The following ZNF354A variants were observed in gnomAD, a reference collection of about 807,000 sequenced individuals.
ZNF354A encodes the protein epididymis luminal protein 104.
ZNF354A carries 25 observed loss-of-function variants against 53.3 expected under a neutral mutation model. That is an observed-to-expected ratio of 0.47 (90% CI 0.34 to 0.66). The LOEUF is 0.66. Ranked by LOEUF, ZNF354A falls within the 30% of genes least tolerant of loss-of-function variation. The probability of loss-of-function intolerance (pLI) is 0.01; values close to 1 mark genes in which losing one functional copy is unlikely to be tolerated. For missense variants in ZNF354A, 586 were observed against 716.8 expected (o/e 0.82, Z 2.08); for synonymous variants, 228 against 249.0 (o/e 0.92, Z 0.79).
chr5:178,715,505 C>T (rs1344205500), intron 4 of ZNF354A, among the ~76,000 whole-genome samples: 1 of 152,154 alleles, frequency 6.6e-6, no homozygotes, highest in East Asian at 1.9e-4. Context: ...TGCTTAACAC[C>T]TTCCTAGTTC....
At chr5:178,716,046 GCCA>G (rs1202137070) in intron 4 of ZNF354A, among the ~76,000 whole-genome samples, 1 of 151,730 alleles carries the variant, frequency 6.6e-6, no homozygotes, top group Non-Finnish European at 1.5e-5. Context: ...ACAGGTGTGC[GCCA>G]CCACACCTGG....
intron 4 of ZNF354A, among the ~76,000 whole-genome samples, chr5:178,724,165 A>G (rs1196630529): frequency 6.6e-6 from 1 of 150,986 alleles, no homozygotes; most frequent in Non-Finnish European, 1.5e-5. Context: ...AAGTGCCTTC[A>G]TCCAGGCCCT....
intron 4 of ZNF354A, among the ~76,000 whole-genome samples, chr5:178,722,068 G>A (rs967635554): frequency 2.0e-5 from 3 of 152,056 alleles, no homozygotes; most frequent in African/African-American, 4.8e-5. Context: ...AATGTCACCT[G>A]CCTCTCCTGA....
chr5:178,717,697 T>C (rs940021947), intron 4 of ZNF354A, among the ~76,000 whole-genome samples: 4 of 152,014 alleles, frequency 2.6e-5, no homozygotes, highest in Admixed American at 6.6e-5. Context: ...GTCAGCAGCA[T>C]GTGGGTTTGA....
Position 178,712,997 on chromosome 5 carries a change from A to G in ZNF354A, c.881T>C (p.Val294Ala), listed in dbSNP as rs761979405. 42 of 1,613,980 alleles carry G rather than the reference A, an allele frequency of 2.6e-5. No individual in the cohort carries two copies. The highest frequency in any genetic ancestry group is 3.5e-5 in the Non-Finnish European group (41 of 1,179,998). ...SLYKHLRTHTVEKSYRCKECG... is the reference protein window; with the variant it reads ...SLYKHLRTHTAEKSYRCKECG... ...TTCTTTACATCTGTAGGATTTCTCC[A>G]CAGTATGGGTTCTTAGATGTTTATA... The change falls in exon 5 of 5, where the codon GTG (valine) becomes GCG (alanine). Residue 294 changes from valine (V) to alanine (A), a missense_variant. Coordinates refer to ENST00000335815, the MANE Select transcript of ZNF354A (RefSeq NM_005649.3).
intron 2 of ZNF354A, among the ~76,000 whole-genome samples, chr5:178,728,085 G>T (rs1439918253): frequency 1.3e-5 from 2 of 152,116 alleles, no homozygotes; most frequent in East Asian, 3.9e-4. Context: ...CAGGCGATCT[G>T]CCGGCCTCGA....
At position 178,713,010 on chromosome 5, in the gene ZNF354A, T is replaced by C; in HGVS notation, c.868A>G (p.Arg290Gly). Residue 290 changes from arginine (R) to glycine (G), a missense_variant, in exon 5 of 5, where the codon AGA becomes GGA. Around this residue, in one of 2 missense-constraint regions of ZNF354A, gnomAD observed 573 missense variants for 680.1 expected, o/e 0.84. Transcript: ENST00000335815. ...TAGGATTTCTCCACAGTATGGGTTCTTAGATGTTTATAAAGGGATGTACTG... is the reference window on the plus strand; with the variant it reads ...TAGGATTTCTCCACAGTATGGGTTCCTAGATGTTTATAAAGGGATGTACTG... ...TLSTSLYKHLRTHTVEKSYRC... is the reference protein window; with the variant it reads ...TLSTSLYKHLGTHTVEKSYRC... The C allele has an allele frequency of 6.2e-7, 1 of 1,614,178 alleles. No individual in the cohort carries two copies. The highest frequency in any genetic ancestry group is 1.1e-5 in the South Asian group (1 of 91,080).
chr5:178,730,576 C>G lies in ZNF354A; in HGVS notation c.-72G>C, dbSNP rs1261428450. 1 of 151,894 alleles carries G rather than the reference C, an allele frequency of 6.6e-6. No homozygotes were observed. Among genetic ancestry groups the G allele is most frequent in the Admixed American group, 6.6e-5 (1 of 15,260 alleles). The allele number at this position is 151,894 out of a possible 1,614,324, so 9.4% of individuals were successfully genotyped here. On this transcript the variant is annotated 5_prime_UTR_variant, in exon 1 of 5. Transcript: ENST00000335815. ...CTCACCTCCCTAAGCTCGAGCGTCC[C>G]GGGCCGCGCCTCCCCAGCCGCGAGG...
chr5:178,725,027 C>T (rs906663176), intron 4 of ZNF354A, among the ~76,000 whole-genome samples: 10 of 152,248 alleles, frequency 6.6e-5, no homozygotes, highest in Non-Finnish European at 1.0e-4. Context: ...GCACTTACCA[C>T]GCGGCCCTTC....
At chr5:178,717,550 A>AG (rs1765738421) in intron 4 of ZNF354A, among the ~76,000 whole-genome samples, 1 of 151,482 alleles carries the variant, frequency 6.6e-6, no homozygotes, top group Non-Finnish European at 1.5e-5. Flanking sequence ...GGCAAGGCTG[A>AG]GGGGGCATTC....
chr5:178,719,226 G>A (rs1215617233), intron 4 of ZNF354A, among the ~76,000 whole-genome samples: 1 of 152,162 alleles, frequency 6.6e-6, no homozygotes, highest in Non-Finnish European at 1.5e-5. Flanking sequence ...CCTAGGCATC[G>A]GTGATCCACA....
chr5:178,726,863 T>C, intron 3 of ZNF354A, 136 bp downstream of exon 3: 2 of 1,323,598 alleles, frequency 1.5e-6, no homozygotes, highest in Non-Finnish European at 1.0e-6. Context: ...TTAATGTTTA[T>C]TTATAAAGAT....
chr5:178,722,590 C>T (rs1433578625), intron 4 of ZNF354A, among the ~76,000 whole-genome samples: 1 of 152,194 alleles, frequency 6.6e-6, no homozygotes, highest in Non-Finnish European at 1.5e-5. Context: ...ATCTCCTGGA[C>T]ATCCCTGGGA....
chr5:178,722,567 T>C (rs1269126256), intron 4 of ZNF354A, among the ~76,000 whole-genome samples: 3 of 152,202 alleles, frequency 2.0e-5, no homozygotes, highest in African/African-American at 7.2e-5. Context: ...TGTCTAACAG[T>C]CCTGCTGGCT....
At chr5:178,719,920 C>A (rs12653893) in intron 4 of ZNF354A, among the ~76,000 whole-genome samples, 1 of 149,600 alleles carries the variant, frequency 6.7e-6, no homozygotes, top group East Asian at 2.0e-4. Context: ...GCACTCCAGC[C>A]TGGGCGACAG....
Position 178,713,425 on chromosome 5 carries a change from T to C in ZNF354A, c.453A>G (p.Lys151=), listed in dbSNP as rs772736179. 1 of 1,613,264 alleles carries C rather than the reference T, an allele frequency of 6.2e-7. No individual in the cohort carries two copies. The highest frequency in any genetic ancestry group is 1.7e-5 in the Admixed American group (1 of 59,744). ...SFQIVSATHK[K]IPTIERSHKN... The stretch of plus-strand genomic sequence containing the variant: ...TATGGCTTCTTTCTATAGTGGGGAT[T>C]TTTTTGTGGGTGGCTGAAACTATCT... Residue 151 remains lysine, a synonymous_variant, in exon 5 of 5, where the codon AAA becomes AAG. Transcript: ENST00000335815.
chr5:178,719,594 C>A (rs1462233799), intron 4 of ZNF354A, among the ~76,000 whole-genome samples: 1 of 152,212 alleles, frequency 6.6e-6, no homozygotes, highest in Non-Finnish European at 1.5e-5. Flanking sequence ...GACTTATTTG[C>A]TGAAGTATCC....
chr5:178,713,983 T>G (rs1465243414), intron 4 of ZNF354A, among the ~76,000 whole-genome samples: 1 of 140,660 alleles, frequency 7.1e-6, no homozygotes, highest in Non-Finnish European at 1.6e-5. Context: ...AATTTTTTTT[T>G]GTTTTTTTTT....
chr5:178,716,588 G>T (rs774451906), intron 4 of ZNF354A, among the ~76,000 whole-genome samples: 8 of 152,142 alleles, frequency 5.3e-5, no homozygotes, highest in African/African-American at 1.9e-4. Context: ...TGGAGTGTGC[G>T]CATGTGCTGG....
Sources: gnomAD v4.1 joint callset for allele counts (sites outside exome capture counted in the v4.1 genomes callset) on GRCh38, gnomAD v4.1.1 for gene constraint, gnomAD v4.1.1 regional missense constraint, MANE v1.5 for transcripts, NCBI Gene and HGNC (gene_info 2026-07-23, HGNC 2026-07-21) for gene names.